The following RMDN2 variants were observed in gnomAD, a reference collection of about 807,000 sequenced individuals.
RMDN2 encodes regulator of microtubule dynamics protein 2.
Under a neutral mutation model 52.8 loss-of-function variants are expected in RMDN2, and 61 were observed. The observed-to-expected ratio is 1.16, with a 90% CI of 0.94 to 1.43. The LOEUF is 1.43. Ranked by LOEUF, RMDN2 falls within the 40% of genes most tolerant of loss-of-function variation. RMDN2 has a pLI of 0.00. For missense variants in RMDN2, 592 were observed against 475.3 expected, an observed-to-expected ratio of 1.25 and a Z score of -2.28; for synonymous variants, 180 against 153.1, an observed-to-expected ratio of 1.18 and a Z score of -1.30.
At chr2:37,987,495 A>G (rs989725591) in intron 5 of RMDN2, among the ~76,000 whole-genome samples, 3 of 152,150 alleles carry the variant, frequency 2.0e-5, no homozygotes, top group South Asian at 2.1e-4. Flanking sequence ...AGACCAAACT[A>G]TGGAGACAGT....
intron 2 of RMDN2, among the ~76,000 whole-genome samples, chr2:37,967,904 G>C (rs1671278078): frequency 6.6e-6 from 1 of 152,198 alleles, no homozygotes; most frequent in South Asian, 2.1e-4. Flanking sequence ...CAGTTCTTTA[G>C]AGATGGACTA....
At chr2:37,931,889 A>G (rs1198192335) in intron 2 of RMDN2, among the ~76,000 whole-genome samples, 1 of 152,176 alleles carries the variant, frequency 6.6e-6, no homozygotes, top group Non-Finnish European at 1.5e-5. Context: ...AAAATACTAG[A>G]GTAGATGCAA....
In RMDN2 at chr2:37,991,242, A is replaced by T. The variant is rs1167894005; in HGVS notation, c.890A>T (p.Lys297Ile). 3 of 1,589,826 alleles carry T rather than the reference A, an allele frequency of 1.9e-6. No individual in the cohort carries two copies. Among genetic ancestry groups the T allele is most frequent in the Non-Finnish European group, 2.6e-6 (3 of 1,166,788 alleles). The change falls in exon 7 of 11, where the codon AAA becomes ATA. Residue 297 changes from lysine to isoleucine, a missense_variant. By Grantham distance (102) the Lys-to-Ile change is moderately radical. Transcript: ENST00000354545. ...LFKEHLDIAI[K>I]LLPEEPFLYY... ...CAGGAACATCTAGATATAGCAATCA[A>T]ACTTTTACCAGAGGAACCCTTTCTA...
At chr2:37,998,623 G>C (rs528541182) in intron 8 of RMDN2, among the ~76,000 whole-genome samples, 2 of 152,270 alleles carry the variant, frequency 1.3e-5, no homozygotes, top group South Asian at 4.1e-4. Context: ...AGATCATGTA[G>C]TCTAGGTTTC....
intron 10 of RMDN2, among the ~76,000 whole-genome samples, chr2:38,010,239 G>A (rs929951025): frequency 4.6e-5 from 7 of 152,192 alleles, no homozygotes; most frequent in Non-Finnish European, 1.0e-4. Context: ...CTTCAGTGCT[G>A]TCAGACAGGG....
chr2:38,005,199 TTGGCTATATACCCAGTAA>T (rs1238885493), intron 10 of RMDN2, among the ~76,000 whole-genome samples: 1 of 152,256 alleles, frequency 6.6e-6, no homozygotes, highest in African/African-American at 2.4e-5. Flanking sequence ...TTTATAATCT[TTGGCTATATACCCAGTAA>T]TGGGTCAAAT....
In RMDN2 at chr2:37,958,985, G is replaced by A. The variant is rs528864355; in HGVS notation, c.453-15055G>A. Among the ~76,000 whole-genome samples, 23 of 151,128 alleles carry A rather than the reference G, an allele frequency of 1.5e-4. No homozygotes were observed. In the East Asian group the frequency reaches 3.5e-3, roughly 23 times the overall value. ...GACTTGCATGTGTTGAACCAGCCTC[G>A]CATCCTTAGGATGAAGCTGACTTGA... is the stretch of plus-strand genomic sequence containing the variant. On this transcript the variant is annotated intron_variant, in intron 2 of 10. Transcript: ENST00000354545.
chr2:37,939,047 C>A lies in RMDN2; in HGVS notation c.452+9318C>A, dbSNP rs148098451. Among the ~76,000 whole-genome samples, 116 of 152,206 alleles carry A rather than the reference C, an allele frequency of 7.6e-4. 1 individual carries two copies. In the East Asian group the frequency reaches 0.019, roughly 25 times the overall value. On this transcript the variant is annotated intron_variant, in intron 2 of 10. Transcript: ENST00000354545. ...TGTGAGCATTTAGTGCTATAAATTT[C>A]CCTCTAATCACTGCTTTAGCTGTGT...
In RMDN2 at chr2:38,051,048, T is replaced by C. The variant is rs188779588; in HGVS notation, c.1714-15934T>C. On this transcript the variant is annotated intron_variant, in intron 10 of 10. Transcript: ENST00000234195. ...GAAGAAGGAAGAGCAAGCTGTAACA[T>C]GGCCTAGTGGGGCTGGCTGTGCCCC... is the stretch of plus-strand genomic sequence containing the variant. Among the ~76,000 whole-genome samples, 175 of 152,308 alleles carry C rather than the reference T, an allele frequency of 1.1e-3. 2 individuals carry two copies. The highest frequency in any genetic ancestry group is 0.01 in the Admixed American group (159 of 15,304).
downstream of RMDN2, among the ~76,000 whole-genome samples, chr2:38,019,574 C>G (rs971843913): frequency 9.9e-5 from 15 of 152,194 alleles, no homozygotes; most frequent in Non-Finnish European, 1.9e-4. Flanking sequence ...AATTCCCCTC[C>G]TCATCCTGGT....
chr2:37,964,226 C>A (rs1005150274), intron 2 of RMDN2, among the ~76,000 whole-genome samples: 2 of 152,200 alleles, frequency 1.3e-5, no homozygotes, highest in East Asian at 3.9e-4. Flanking sequence ...GACAGGGCGG[C>A]TGCCGGGCGG....
At chr2:37,964,746 C>A (rs1486656662) in intron 2 of RMDN2, among the ~76,000 whole-genome samples, 1 of 152,174 alleles carries the variant, frequency 6.6e-6, no homozygotes, top group East Asian at 1.9e-4. Flanking sequence ...CCTTACTAAT[C>A]ATCCGCCTGG....
Position 37,976,831 on chromosome 2 carries a change from T to A in RMDN2, c.730+1517T>A, listed in dbSNP as rs1672529281. On this transcript the variant is annotated intron_variant, in intron 4 of 10. Transcript: ENST00000354545. Reference sequence around the variant, plus strand: ...CCAACATTCATCAATATTAAATACATTTTTTTCTTTTTTTTTTTAAATTTT... The same window carrying A: ...CCAACATTCATCAATATTAAATACAATTTTTTCTTTTTTTTTTTAAATTTT... 2.0e-5 allele frequency among the ~76,000 whole-genome samples: 3 copies of A among 152,210 alleles called. No individual in the cohort carries two copies. In the South Asian group the frequency reaches 6.2e-4, roughly 32 times the overall value.
intron 10 of RMDN2, among the ~76,000 whole-genome samples, chr2:38,046,779 T>TA (rs1223374599): frequency 1.3e-5 from 2 of 152,052 alleles, no homozygotes; most frequent in Non-Finnish European, 1.5e-5. Flanking sequence ...GGTCAGGAGA[T>TA]AGAGACCAGC....
intron 10 of RMDN2, among the ~76,000 whole-genome samples, chr2:38,061,509 C>T (rs1443400702): frequency 6.6e-6 from 1 of 151,538 alleles, no homozygotes; most frequent in Admixed American, 6.6e-5. Context: ...AACTCAGTGC[C>T]TGTATTTTCT....
At chr2:37,984,217 A>C (rs892182903) in intron 5 of RMDN2, among the ~76,000 whole-genome samples, 1 of 152,234 alleles carries the variant, frequency 6.6e-6, no homozygotes, top group Non-Finnish European at 1.5e-5. Context: ...TATGCTTTCT[A>C]TAAGATTCAG....
chr2:38,062,878 T>C lies in RMDN2; in HGVS notation c.1714-4104T>C, dbSNP rs574986286. Among the ~76,000 whole-genome samples the C allele has an allele frequency of 5.3e-5, 8 of 152,114 alleles. No homozygotes were observed. The South Asian group carries it at 1.5e-3, about 28-fold the overall frequency. ...TGAGAACATGCGGTGTTTGGTTTTT[T>C]GTCCCTGCCATAGTTTGCTGAGAAT... is the stretch of plus-strand genomic sequence containing the variant. On this transcript the variant is annotated intron_variant, in intron 10 of 10. Transcript: ENST00000234195.
intron 2 of RMDN2, chr2:37,952,020 C>T (rs1382998838): frequency 6.2e-7 from 1 of 1,612,732 alleles, no homozygotes; most frequent in African/African-American, 1.3e-5. Flanking sequence ...TCCACAGCAT[C>T]CCTCTCAAAG....
At chr2:37,992,783 C>T (rs1411025291) in intron 7 of RMDN2, among the ~76,000 whole-genome samples, 1 of 152,194 alleles carries the variant, frequency 6.6e-6, no homozygotes, top group Non-Finnish European at 1.5e-5. Flanking sequence ...TTTTATGTGA[C>T]TGTAAACATA....
Sources: gnomAD v4.1 joint callset for allele counts (sites outside exome capture counted in the v4.1 genomes callset) on GRCh38, gnomAD v4.1.1 for gene constraint, MANE v1.5 for transcripts, NCBI Gene and HGNC (gene_info 2026-07-23, HGNC 2026-07-21) for gene names.